Variants in CEP85L observed in about 807,000 individuals in gnomAD.
CEP85L encodes the protein centrosomal protein 85L, also known as centrosomal protein of 85 kDa-like.
In CEP85L, 60 loss-of-function variants were observed where a neutral mutation model predicts 100.3. That is an observed-to-expected ratio of 0.60 (90% CI 0.49 to 0.74). The LOEUF is 0.74. Among genes scored for constraint, CEP85L ranks in the 30% least tolerant of loss-of-function variants. The pLI is 0.00. For missense variants in CEP85L, 973 were observed against 936.2 expected, an observed-to-expected ratio of 1.04 and a Z score of -0.51; for synonymous variants, 319 against 322.7, an observed-to-expected ratio of 0.99 and a Z score of 0.12.
At chr6:118,671,556 G>A (rs563485341) in intron 1 of CEP85L, among the ~76,000 whole-genome samples, 32 of 152,230 alleles carry the variant, frequency 2.1e-4, no homozygotes, top group African/African-American at 5.3e-4. Flanking sequence ...AGGATCTGGC[G>A]TTTCTCTATT....
At chr6:118,600,370 T>TGTGTGTGTGCGTGG (rs58066356) in intron 2 of CEP85L, among the ~76,000 whole-genome samples, 4 of 86,368 alleles carry the variant, frequency 4.6e-5, no homozygotes, top group Admixed American at 1.1e-4. Context: ...TGTGTGTGTG[T>TGTGTGTGTGCGTGG]AACGCCATGG....
At chr6:118,568,731 T>TC (rs1238355282) in intron 2 of CEP85L, among the ~76,000 whole-genome samples, 2 of 152,078 alleles carry the variant, frequency 1.3e-5, no homozygotes, top group Admixed American at 1.3e-4. Context: ...ACACAGTGAT[T>TC]AACAGACTAT....
rs371507549 is a variant in CEP85L at position 118,559,094 on chromosome 6, C to T, written c.1020+6435G>A. The T allele has an allele frequency of 8.1e-6, 13 of 1,599,186 alleles. No individual in the cohort carries two copies. The African/African-American group carries it at 1.7e-4, about 21-fold the overall frequency. The stretch of plus-strand genomic sequence containing the variant: ...ATGCTTCTCTGAAGTTCTGCTACAA[C>T]CTCTAGATCTGCAGCTTGCCACATC... On this transcript the variant is annotated intron_variant, in intron 3 of 12. Transcript: ENST00000368491.
At chr6:118,562,928 TCCTCCATCCCTTCCAC>T (rs1779306015) in intron 3 of CEP85L, among the ~76,000 whole-genome samples, 1 of 152,108 alleles carries the variant, frequency 6.6e-6, no homozygotes, top group African/African-American at 2.4e-5. Flanking sequence ...GAAGTGTTTA[TCCTCCATCCCTTCCAC>T]CCTACCTTCC....
intron 12 of CEP85L, among the ~76,000 whole-genome samples, chr6:118,468,515 A>G (rs918655096): frequency 6.6e-6 from 1 of 152,200 alleles, no homozygotes; most frequent in African/African-American, 2.4e-5. Context: ...AGCTCCCACA[A>G]TTATGTGTGG....
intron 2 of CEP85L, among the ~76,000 whole-genome samples, chr6:118,605,244 T>A (rs1166502796): frequency 1.3e-5 from 2 of 152,186 alleles, no homozygotes; most frequent in Admixed American, 1.3e-4. Context: ...GACAGTACAG[T>A]GCTTCTACTC....
In CEP85L at chr6:118,464,785, T is replaced by G. The variant is rs1772400855; in HGVS notation, c.*620A>C. 2.2e-5 allele frequency: 1 copy of G among 45,638 alleles called. No individual in the cohort carries two copies. The highest frequency in any genetic ancestry group is 4.1e-5 in the Non-Finnish European group (1 of 24,522). 2.8% of individuals were successfully genotyped at this position (45,638 alleles called of 1,614,324 possible). On this transcript the variant is annotated 3_prime_UTR_variant, in exon 13 of 13. Transcript: ENST00000368491. ...AAAACAGCTGACCTATCTACAGTAC[T>G]AAAATCAGCTCAACCACAAACATCC...
Position 118,508,258 on chromosome 6 carries a change from T to C in CEP85L, c.1257+3040A>G, listed in dbSNP as rs191694769. On this transcript the variant is annotated intron_variant, in intron 5 of 12. Transcript: ENST00000368491. ...GAAGAAAAAATAGAAAAAAATGATA[T>C]AAATGGAAAGAAAAAGAATAAAATG... 3.3e-5 allele frequency among the ~76,000 whole-genome samples: 5 copies of C among 152,134 alleles called. No homozygotes were observed. The East Asian group carries it at 7.7e-4, about 23-fold the overall frequency.
chr6:118,477,184 A>T (rs1773447879), intron 10 of CEP85L, among the ~76,000 whole-genome samples: 1 of 152,354 alleles, frequency 6.6e-6, no homozygotes, highest in East Asian at 1.9e-4. Flanking sequence ...CTAAAAGGTC[A>T]ATGAGTAAAC....
intron 12 of CEP85L, 76 bp from the exon 13 acceptor site, chr6:118,465,644 A>G (rs1158510101): frequency 7.2e-7 from 1 of 1,386,720 alleles, no homozygotes; most frequent in African/African-American, 1.4e-5. Context: ...CACCTTAATC[A>G]TCATGGAAAT....
chr6:118,600,494 G>A (rs1042865699), intron 2 of CEP85L, among the ~76,000 whole-genome samples: 2 of 151,668 alleles, frequency 1.3e-5, no homozygotes, highest in Admixed American at 6.6e-5. Context: ...GCTAATTTTT[G>A]TATTTTCAGT....
rs1774586694 is a variant in CEP85L at position 118,491,721 on chromosome 6, G to A, written c.1402C>T (p.Leu468=). The A allele has an allele frequency of 1.9e-6, 3 of 1,612,776 alleles. No individual in the cohort carries two copies. Among genetic ancestry groups the A allele is most frequent in the Non-Finnish European group, 2.5e-6 (3 of 1,179,458 alleles). The change falls in exon 6 of 13, where the codon CTA becomes TTA. Residue 468 remains leucine (L), a synonymous_variant. Transcript: ENST00000368491. ...LNEFLKQRLS[L]FSEEKKKLEE... ...AGTTTCTTCTTCTCTTCACTAAATA[G>A]GCTTAGTCTTTGTTTGAGAAACTCA...
intron 6 of CEP85L, among the ~76,000 whole-genome samples, chr6:118,488,716 G>A (rs1444489672): frequency 6.6e-6 from 1 of 152,012 alleles, no homozygotes; most frequent in Non-Finnish European, 1.5e-5. Context: ...GGACCCAATG[G>A]AACCCAAATA....
intron 1 of CEP85L, among the ~76,000 whole-genome samples, chr6:118,705,733 A>G (rs1777573141): frequency 6.6e-6 from 1 of 152,242 alleles, no homozygotes; most frequent in African/African-American, 2.4e-5. Context: ...CCCTTCTCAC[A>G]ATATGCTCTT....
At chr6:118,572,528 C>T (rs1008712200) in intron 2 of CEP85L, among the ~76,000 whole-genome samples, 7 of 149,364 alleles carry the variant, frequency 4.7e-5, no homozygotes, top group African/African-American at 1.5e-4. Context: ...GCTGAGATTG[C>T]GCCATTGCAC....
intron 3 of CEP85L, among the ~76,000 whole-genome samples, chr6:118,526,322 C>T (rs1776961023): frequency 6.6e-6 from 1 of 152,116 alleles, no homozygotes; most frequent in South Asian, 2.1e-4. Flanking sequence ...AGGCCACTCT[C>T]CAGAATGCCC....
chr6:118,475,658 A>G (rs114041968), intron 10 of CEP85L, among the ~76,000 whole-genome samples: 86 of 152,216 alleles, frequency 5.6e-4, no homozygotes, highest in African/African-American at 1.8e-3. Flanking sequence ...CCGGTGACTT[A>G]TATCTTAATA....
At position 118,537,058 on chromosome 6, in the gene CEP85L, T is replaced by C. The variant is rs553073915; in HGVS notation, c.1021-13138A>G. Among the ~76,000 whole-genome samples the C allele has an allele frequency of 2.6e-5, 4 of 152,278 alleles. No individual in the cohort carries two copies. In the South Asian group the frequency reaches 8.3e-4, roughly 32 times the overall value. On this transcript the variant is annotated intron_variant, in intron 3 of 12. Transcript: ENST00000368491. ...AGGTACTTGTTTTGATAGAAAAACA[T>C]GTATCAAAATTCACATATTGATAAA...
At chr6:118,706,837 C>G (rs1278141284) in intron 1 of CEP85L, among the ~76,000 whole-genome samples, 1 of 152,162 alleles carries the variant, frequency 6.6e-6, no homozygotes, top group African/African-American at 2.4e-5. Context: ...CGCTTAGCTA[C>G]TCTTCCCACA....
Sources: gnomAD v4.1 joint callset for allele counts (sites outside exome capture counted in the v4.1 genomes callset) on GRCh38, gnomAD v4.1.1 for gene constraint, MANE v1.5 for transcripts, NCBI Gene and HGNC (gene_info 2026-07-23, HGNC 2026-07-21) for gene names.